The following VPS37A variants were observed in gnomAD, a reference collection of about 807,000 sequenced individuals.
The protein encoded by VPS37A is VPS37A subunit of ESCRT-I, also known as vacuolar protein sorting-associated protein 37A.
A neutral mutation model predicts 49.8 loss-of-function variants in VPS37A; 30 were observed. The ratio of observed to expected loss-of-function variants is 0.60; its 90% CI spans 0.45 to 0.82. The LOEUF is 0.82. Among genes scored for constraint, VPS37A ranks in the 40% least tolerant of loss-of-function variants. The pLI is 0.00. For missense variants in VPS37A, 593 were observed against 464.4 expected (o/e 1.28, Z -2.55); for synonymous variants, 195 against 160.6 (o/e 1.21, Z -1.62).
At chr8:17,321,337 A>T in the VPS37A span, among the ~76,000 whole-genome samples, 1 of 152,212 alleles carries the variant, frequency 6.6e-6, no homozygotes, top group Non-Finnish European at 1.5e-5. Context: ...AGCTCTCAGC[A>T]ATGGGACAGG....
chr8:17,332,104 T>C, the VPS37A span, among the ~76,000 whole-genome samples: 106 of 152,320 alleles, frequency 7.0e-4, no homozygotes, highest in African/African-American at 2.4e-3. Flanking sequence ...TCTTGCTATT[T>C]TATTAAGCAG....
intron 6 of VPS37A, among the ~76,000 whole-genome samples, chr8:17,277,778 G>C (rs7007448): frequency 6.6e-6 from 1 of 151,122 alleles, no homozygotes; most frequent in Non-Finnish European, 1.5e-5. Context: ...GATTCAAAAC[G>C]AGTTCCACCT....
intron 1 of VPS37A, chr8:17,247,867 C>G: frequency 1.5e-6 from 1 of 667,480 alleles, no homozygotes; most frequent in Non-Finnish European, 2.7e-6. Context: ...TCACTTATCA[C>G]GTAGTCAGTC....
Position 17,247,106 on chromosome 8 carries a change from T to C in VPS37A, c.-139T>C. 8.6e-7 allele frequency: 1 copy of C among 1,162,650 alleles called. No individual in the cohort carries two copies. The highest frequency in any genetic ancestry group is 1.4e-5 in the South Asian group (1 of 71,342). 72.0% of individuals were successfully genotyped at this position (1,162,650 alleles called of 1,614,324 possible). A position where few individuals can be genotyped will look rare whatever the true frequency, so the allele number is the denominator to read the frequency against. On this transcript the variant is annotated 5_prime_UTR_variant, in exon 1 of 12. Coordinates refer to ENST00000324849, the MANE Select transcript of VPS37A (RefSeq NM_152415.3). ...CTCGGGGAGCGCAGGCAGGACAGGC[T>C]TAGAGAAGACGCGGTCCCCAGCGCT...
intron 11 of VPS37A, among the ~76,000 whole-genome samples, chr8:17,289,604 C>G (rs1422827925): frequency 6.6e-6 from 1 of 152,088 alleles, no homozygotes; most frequent in African/African-American, 2.4e-5. Context: ...TTACTGTAGT[C>G]TTGTAGTATA....
chr8:17,329,762 T>G, the VPS37A span, among the ~76,000 whole-genome samples: 1 of 152,244 alleles, frequency 6.6e-6, no homozygotes, highest in East Asian at 1.9e-4. Context: ...ACATAGTTTG[T>G]AGCAGGAACA....
chr8:17,273,920 T>G lies in VPS37A; in HGVS notation c.417-813T>G, dbSNP rs75406076. Among the ~76,000 whole-genome samples the G allele has an allele frequency of 6.1e-3, 931 of 152,318 alleles. 6 individuals carry two copies. The highest frequency in any genetic ancestry group is 0.01 in the Non-Finnish European group (687 of 68,026). Reference sequence around the variant, plus strand: ...CATTTTAGTAGCATTACATTAATATTTAAAACATAACTGTAAGTCCCTTAT... The same window carrying G: ...CATTTTAGTAGCATTACATTAATATGTAAAACATAACTGTAAGTCCCTTAT... On this transcript the variant is annotated intron_variant, in intron 4 of 11. Coordinates refer to ENST00000324849, the MANE Select transcript of VPS37A (RefSeq NM_152415.3).
chr8:17,262,400 C>T (rs776680345), intron 1 of VPS37A, among the ~76,000 whole-genome samples: 1 of 152,138 alleles, frequency 6.6e-6, no homozygotes, highest in Non-Finnish European at 1.5e-5. Context: ...AATCTATATT[C>T]TTAATAACAA....
chr8:17,330,346 AGACAGTGCATG>A, the VPS37A span, among the ~76,000 whole-genome samples: 2 of 152,212 alleles, frequency 1.3e-5, no homozygotes, highest in African/African-American at 4.8e-5. Context: ...CCAGAAGCGC[AGACAGTGCATG>A]GACAGCCAAG....
At chr8:17,302,118 C>T (rs1476760450), downstream of VPS37A, 10 of 1,613,210 alleles carry the variant, frequency 6.2e-6, no homozygotes, top group South Asian at 4.4e-5. Flanking sequence ...AAGAAATAAG[C>T]ACAGAAAATA....
At chr8:17,251,346 A>G (rs1380693379) in intron 1 of VPS37A, among the ~76,000 whole-genome samples, 2 of 152,206 alleles carry the variant, frequency 1.3e-5, no homozygotes, top group South Asian at 4.1e-4. Context: ...TGATCCTCCA[A>G]TTCCTATCTG....
At chr8:17,303,127 T>G (rs904679931), downstream of VPS37A, among the ~76,000 whole-genome samples, 1 of 152,162 alleles carries the variant, frequency 6.6e-6, no homozygotes. Flanking sequence ...AGTAAGTACT[T>G]TGAGGGCAAG....
chr8:17,256,756 A>G (rs1485071156), intron 1 of VPS37A, among the ~76,000 whole-genome samples: 2 of 151,826 alleles, frequency 1.3e-5, no homozygotes, highest in Admixed American at 6.6e-5. Context: ...GGATTCAAGC[A>G]ATTTTCCTGC....
intron 9 of VPS37A, among the ~76,000 whole-genome samples, chr8:17,280,839 A>G (rs927041778): frequency 1.3e-5 from 2 of 152,018 alleles, no homozygotes; most frequent in African/African-American, 4.8e-5. Flanking sequence ...ATATAGTATT[A>G]TCTGCTACAA....
intron 1 of VPS37A, among the ~76,000 whole-genome samples, chr8:17,256,428 C>T (rs1812468792): frequency 6.6e-6 from 1 of 150,872 alleles, no homozygotes; most frequent in Non-Finnish European, 1.5e-5. Context: ...CACCACCACA[C>T]CCTGTATGCT....
chr8:17,300,393 T>C (rs1817037261), downstream of VPS37A: 2 of 664,232 alleles, frequency 3.0e-6, no homozygotes, highest in Admixed American at 3.0e-5. Flanking sequence ...ACAAAATCTG[T>C]GAGGCCTGCT....
At chr8:17,263,253 T>G (rs924718804) in intron 1 of VPS37A, among the ~76,000 whole-genome samples, 4 of 152,030 alleles carry the variant, frequency 2.6e-5, no homozygotes, top group Non-Finnish European at 2.9e-5. Context: ...TTTGGCAACT[T>G]TTTTTTAATG....
At chr8:17,304,340 TTCATACCATG>T (rs1445187855), downstream of VPS37A, 23 of 1,596,672 alleles carry the variant, frequency 1.4e-5, no homozygotes, top group Non-Finnish European at 1.9e-5. Flanking sequence ...AGAATCCAAG[TTCATACCATG>T]GCTACAAAGT....
intron 3 of VPS37A, 125 bp from the exon 4 acceptor site, chr8:17,268,731 A>T: frequency 1.5e-6 from 1 of 688,096 alleles, no homozygotes; most frequent in Non-Finnish European, 2.4e-6. Flanking sequence ...TTAATTGCTA[A>T]TATCCTTTTT....
Sources: gnomAD v4.1 joint callset for allele counts (sites outside exome capture counted in the v4.1 genomes callset) on GRCh38, gnomAD v4.1.1 for gene constraint, MANE v1.5 for transcripts, NCBI Gene and HGNC (gene_info 2026-07-23, HGNC 2026-07-21) for gene names.